The following ITGAV variants were observed in gnomAD, a reference collection of about 807,000 sequenced individuals.
The protein encoded by ITGAV is integrin alpha-V.
In ITGAV, 76 loss-of-function variants were observed where a neutral mutation model predicts 143.8. That is an observed-to-expected ratio of 0.53 (90% confidence interval 0.44 to 0.64). ITGAV has a LOEUF of 0.64. Among genes scored for constraint, ITGAV ranks in the 30% least tolerant of loss-of-function variants. The pLI, the probability that ITGAV is intolerant of heterozygous loss-of-function variation, is 0.00. For missense variants in ITGAV, 1,193 were observed against 1,274.7 expected (o/e 0.94, Z 0.98); for synonymous variants, 453 against 446.7 (o/e 1.01, Z -0.18).
At chr2:186,632,300 A>G (rs1298015381) in intron 5 of ITGAV, among the ~76,000 whole-genome samples, 3 of 152,154 alleles carry the variant, frequency 2.0e-5, no homozygotes, top group African/African-American at 4.8e-5. Flanking sequence ...ATTGATGCCT[A>G]TACAACCATA....
At chr2:186,660,803 G>A (rs1688724514) in intron 18 of ITGAV, among the ~76,000 whole-genome samples, 1 of 152,160 alleles carries the variant, frequency 6.6e-6, no homozygotes, top group Non-Finnish European at 1.5e-5. Flanking sequence ...CTAGAAGTCT[G>A]AGATCCAGAG....
At chr2:186,641,627 C>G (rs780501857) in intron 12 of ITGAV, 39 bp downstream of exon 12, 2 of 1,544,376 alleles carry the variant, frequency 1.3e-6, no homozygotes, top group East Asian at 2.2e-5. Flanking sequence ...CCCTGATTAT[C>G]TGTGTCCACC....
At chr2:186,609,513 T>C (rs1352283029) in intron 2 of ITGAV, among the ~76,000 whole-genome samples, 1 of 152,162 alleles carries the variant, frequency 6.6e-6, no homozygotes, top group Non-Finnish European at 1.5e-5. Context: ...TTCAAAAATG[T>C]ATTTGAGAGA....
chr2:186,622,931 T>C (rs751083139), intron 3 of ITGAV, among the ~76,000 whole-genome samples: 4 of 152,104 alleles, frequency 2.6e-5, no homozygotes, highest in Non-Finnish European at 1.5e-5. Context: ...CCTGGCTAAT[T>C]TTTGTAGTTT....
rs368423644 is a variant in ITGAV at position 186,656,806 on chromosome 2, A to G, written c.1719+405A>G. On this transcript the variant is annotated intron_variant, in intron 17 of 29. Transcript: ENST00000261023. Reference sequence around the variant, plus strand: ...AAAGGATGAAGCCTAAGGAGAGGGCAGGTGGTAATTGCAGACACCAGCACA... The same window carrying G: ...AAAGGATGAAGCCTAAGGAGAGGGCGGGTGGTAATTGCAGACACCAGCACA... Among the ~76,000 whole-genome samples, 16 of 152,312 alleles carry G rather than the reference A, an allele frequency of 1.1e-4. No homozygotes were observed. The East Asian group carries it at 3.1e-3, about 29-fold the overall frequency.
At position 186,652,973 on chromosome 2, in the gene ITGAV, C is replaced by T. The variant is rs961526268; in HGVS notation, c.1505+884C>T. On this transcript the variant is annotated intron_variant, in intron 15 of 29. Transcript: ENST00000261023. The stretch of plus-strand genomic sequence containing the variant: ...TTTTTTTTTGAGACGGAGTCTCGCT[C>T]TGTCGCCCAGGCCGGACTGCAGACT... 5.3e-5 allele frequency among the ~76,000 whole-genome samples: 6 copies of T among 113,418 alleles called. No individual in the cohort carries two copies. The Admixed American group carries it at 6.7e-4, about 13-fold the overall frequency. The allele number at this position is 113,418 out of a possible 152,430, so 74.4% of individuals were successfully genotyped here. A position where few individuals can be genotyped will look rare whatever the true frequency, so the allele number is the denominator to read the frequency against.
At chr2:186,628,875 T>C (rs778864480) in intron 4 of ITGAV, among the ~76,000 whole-genome samples, 1 of 152,118 alleles carries the variant, frequency 6.6e-6, no homozygotes. Flanking sequence ...TGTAGTGTTA[T>C]AGACACACCT....
intron 14 of ITGAV, among the ~76,000 whole-genome samples, chr2:186,651,175 A>T (rs1335597200): frequency 1.3e-5 from 2 of 152,224 alleles, no homozygotes; most frequent in African/African-American, 4.8e-5. Context: ...ATCTGAGTTT[A>T]TACATGGCAG....
intron 18 of ITGAV, among the ~76,000 whole-genome samples, 192 bp downstream of exon 18, chr2:186,659,367 C>T (rs1688679221): frequency 6.6e-6 from 1 of 150,934 alleles, no homozygotes; most frequent in Non-Finnish European, 1.5e-5. Context: ...ATTTTCAAGT[C>T]AGAGATATTT....
intron 1 of ITGAV, among the ~76,000 whole-genome samples, chr2:186,594,712 C>T (rs1296845499): frequency 2.0e-5 from 3 of 152,162 alleles, no homozygotes; most frequent in Admixed American, 6.5e-5. Context: ...GCAATCTGTC[C>T]CAACCTGTGT....
intron 22 of ITGAV, 47 bp downstream of exon 22, chr2:186,666,830 T>A (rs1252716610): frequency 2.9e-6 from 3 of 1,048,556 alleles, no homozygotes; most frequent in African/African-American, 1.6e-5. Context: ...ATAAATATTA[T>A]TTGTTGTAAA....
chr2:186,658,237 A>C (rs1043089622), intron 17 of ITGAV, among the ~76,000 whole-genome samples: 3 of 152,168 alleles, frequency 2.0e-5, no homozygotes, highest in African/African-American at 7.2e-5. Context: ...AAGTGCAAAA[A>C]AGGTTTTAGA....
intron 11 of ITGAV, among the ~76,000 whole-genome samples, chr2:186,641,176 C>T (rs967190399): frequency 6.6e-6 from 1 of 151,720 alleles, no homozygotes; most frequent in African/African-American, 2.4e-5. Flanking sequence ...ATAACATGAA[C>T]AAATAAAGTA....
rs1203082700 is a variant in ITGAV at position 186,590,212 on chromosome 2, A to G, written c.-127A>G. On this transcript the variant is annotated 5_prime_UTR_variant, in exon 1 of 30. Transcript: ENST00000261023. ...GCCTGCCCCGGAGCTGTCCCGGGCTAGCCGAGAAGAGAGCGGCCGGCAAGT... is the reference window on the plus strand; with the variant it reads ...GCCTGCCCCGGAGCTGTCCCGGGCTGGCCGAGAAGAGAGCGGCCGGCAAGT... 4.0e-6 allele frequency: 3 copies of G among 754,874 alleles called. No homozygotes were observed. Among genetic ancestry groups the G allele is most frequent in the Non-Finnish European group, 5.7e-6 (3 of 528,130 alleles). The allele number at this position is 754,874 out of a possible 1,614,324, so 46.8% of individuals were successfully genotyped here.
chr2:186,593,144 G>A (rs1038990115), intron 1 of ITGAV, among the ~76,000 whole-genome samples: 1 of 152,164 alleles, frequency 6.6e-6, no homozygotes, highest in African/African-American at 2.4e-5. Flanking sequence ...GAGGGGAGAA[G>A]GATTTGTGAG....
At chr2:186,653,586 C>T (rs551021503) in intron 15 of ITGAV, among the ~76,000 whole-genome samples, 3 of 152,282 alleles carry the variant, frequency 2.0e-5, no homozygotes, top group Admixed American at 6.5e-5. Flanking sequence ...AATTGGATTA[C>T]ATTTAAAAAT....
At chr2:186,646,013 A>G (rs1322374131) in intron 12 of ITGAV, among the ~76,000 whole-genome samples, 2 of 152,092 alleles carry the variant, frequency 1.3e-5, no homozygotes, top group African/African-American at 4.8e-5. Flanking sequence ...AAGGCTGTTT[A>G]AGTGCAAAAT....
chr2:186,664,492 A>G lies in ITGAV; in HGVS notation c.1926-2A>G, dbSNP rs1410308480. 1 of 1,613,374 alleles carries G rather than the reference A, an allele frequency of 6.2e-7. No individual in the cohort carries two copies. Among genetic ancestry groups the G allele is most frequent in the Non-Finnish European group, 8.5e-7 (1 of 1,179,644 alleles). On this transcript the variant is annotated splice_acceptor_variant, in intron 19 of 29. Coordinates refer to ENST00000261023, the MANE Select transcript of ITGAV (RefSeq NM_002210.5). LOFTEE classifies it high-confidence loss of function. Reference sequence around the variant, plus strand: ...GTCTGGATTTGTATTGTTAACTTGTAGTGATCAAAAGAAGATCTATATTGG... The same window carrying G: ...GTCTGGATTTGTATTGTTAACTTGTGGTGATCAAAAGAAGATCTATATTGG...
chr2:186,654,529 T>C, intron 15 of ITGAV, 121 bp from the exon 16 acceptor site: 2 of 539,890 alleles, frequency 3.7e-6, no homozygotes, highest in Non-Finnish European at 3.3e-6. Context: ...TATTAAGACA[T>C]GAAGAAAGAT....
Sources: allele counts gnomAD v4.1 joint callset (sites outside exome capture counted in the v4.1 genomes callset), GRCh38; gene constraint gnomAD v4.1.1; transcripts MANE v1.5; gene names NCBI Gene and HGNC (gene_info 2026-07-23, HGNC 2026-07-21).